The following CEP128 variants were observed in gnomAD, a reference collection of about 807,000 sequenced individuals.
The protein encoded by CEP128 is centrosomal protein 128.
A neutral mutation model predicts 156.7 loss-of-function variants in CEP128; 132 were observed. That is an observed-to-expected ratio of 0.84 (90% confidence interval 0.73 to 0.97). The LOEUF is 0.97. Ranked by LOEUF, CEP128 falls within the 50% of genes least tolerant of loss-of-function variation. The pLI is 0.00. For missense variants in CEP128, 1,252 were observed against 1,281.9 expected (o/e 0.98, Z 0.36); for synonymous variants, 469 against 448.9 (o/e 1.04, Z -0.57).
At chr14:80,601,375 G>C (rs1892575622) in intron 19 of CEP128, among the ~76,000 whole-genome samples, 1 of 151,956 alleles carries the variant, frequency 6.6e-6, no homozygotes, top group Admixed American at 6.6e-5. Flanking sequence ...GGCTTCCCTG[G>C]GCCACACTGG....
At chr14:80,885,812 G>A (rs1162454181) in intron 8 of CEP128, among the ~76,000 whole-genome samples, 2 of 152,024 alleles carry the variant, frequency 1.3e-5, no homozygotes, top group African/African-American at 4.8e-5. Context: ...TTCAGAAGGT[G>A]GGTAACAACA....
At chr14:80,656,279 T>A (rs74066055) in intron 19 of CEP128, among the ~76,000 whole-genome samples, 9,655 of 45,494 alleles carry the variant, frequency 0.21, 1,766 homozygotes, top group Non-Finnish European at 0.26. Flanking sequence ...AAGTTTTTAT[T>A]TATATATATA....
chr14:80,585,910 T>A (rs986462104), intron 19 of CEP128, among the ~76,000 whole-genome samples: 3 of 136,630 alleles, frequency 2.2e-5, no homozygotes, highest in African/African-American at 7.7e-5. Context: ...ATTCATCAGA[T>A]AAAGCAGCAC....
intron 19 of CEP128, among the ~76,000 whole-genome samples, chr14:80,672,973 TTTTGTCTC>T (rs1440502961): frequency 6.6e-6 from 1 of 152,190 alleles, no homozygotes; most frequent in African/African-American, 2.4e-5. Context: ...GGTTTCAAAC[TTTTGTCTC>T]TAAGATTTCC....
chr14:80,619,367 GACACAC>G lies in CEP128; in HGVS notation c.2807-38950_2807-38945del, dbSNP rs34190837. Reference sequence around the variant, plus strand: ...GTTTTAAATGATTTAAAGACACACAGACACACACACACACACACACACACACACACA... The same window carrying G: ...GTTTTAAATGATTTAAAGACACACAGACACACACACACACACACACACACA... On this transcript the variant is annotated intron_variant, in intron 19 of 24. Transcript: ENST00000555265. 3.0e-3 allele frequency among the ~76,000 whole-genome samples: 417 copies of G among 139,468 alleles called. 2 individuals are homozygous for G. The highest frequency in any genetic ancestry group is 8.4e-3 in the African/African-American group (310 of 36,824). 91.5% of individuals were successfully genotyped at this position (139,468 alleles called of 152,430 possible).
chr14:80,692,575 T>C (rs28605383), intron 19 of CEP128, among the ~76,000 whole-genome samples: 1 of 152,144 alleles, frequency 6.6e-6, no homozygotes, highest in Non-Finnish European at 1.5e-5. Context: ...TGTCCTCCAT[T>C]ATATCTCCTT....
chr14:80,784,468 C>T (rs144210181), intron 15 of CEP128, among the ~76,000 whole-genome samples: 27 of 152,112 alleles, frequency 1.8e-4, no homozygotes, highest in Admixed American at 1.8e-3. Flanking sequence ...GAGTAAATCT[C>T]GAAAGCCTTG....
At chr14:80,546,769 A>C (rs1325653626) in intron 21 of CEP128, among the ~76,000 whole-genome samples, 1 of 152,162 alleles carries the variant, frequency 6.6e-6, no homozygotes, top group Non-Finnish European at 1.5e-5. Context: ...AAAATCATTT[A>C]TGGAAGACCA....
rs141419178 is a variant in CEP128, at chr14:80,811,239, C to T, written c.1210-18129G>A. Among the ~76,000 whole-genome samples the T allele has an allele frequency of 6.4e-4, 97 of 152,296 alleles. 1 individual carries two copies. The highest frequency in any genetic ancestry group is 3.4e-3 in the Middle Eastern group (1 of 294). ...GTCTTTGCTATTGTGCTGCAATGAA[C>T]ATACATGTGCATGAATCTTTATAAT... On this transcript the variant is annotated intron_variant, in intron 13 of 24. Transcript: ENST00000555265.
intron 13 of CEP128, among the ~76,000 whole-genome samples, chr14:80,806,961 C>A (rs1191534135): frequency 6.6e-6 from 1 of 151,984 alleles, no homozygotes. Context: ...ACTTTGTGCA[C>A]TTGGAAGAAA....
chr14:80,913,945 CT>C (rs1442404849), intron 4 of CEP128, among the ~76,000 whole-genome samples: 1 of 152,114 alleles, frequency 6.6e-6, no homozygotes, highest in African/African-American at 2.4e-5. Context: ...TAAAAAGGGG[CT>C]TTGAGAGAGG....
chr14:80,734,347 G>A (rs1448491399), intron 19 of CEP128, among the ~76,000 whole-genome samples: 2 of 151,910 alleles, frequency 1.3e-5, no homozygotes, highest in African/African-American at 2.4e-5. Context: ...AGGGAGGAAG[G>A]GGCCCACAAA....
At chr14:80,752,686 G>A (rs1899454818) in intron 18 of CEP128, among the ~76,000 whole-genome samples, 1 of 152,152 alleles carries the variant, frequency 6.6e-6, no homozygotes, top group South Asian at 2.1e-4. Context: ...TTATATTCAA[G>A]TGTGGATTAC....
chr14:80,945,934 C>A (rs1038880152), upstream of CEP128, among the ~76,000 whole-genome samples: 4 of 152,182 alleles, frequency 2.6e-5, no homozygotes, highest in Admixed American at 2.6e-4. Context: ...TTCCACAATA[C>A]ACTAGTGGCA....
At chr14:80,542,331 T>C (rs909587969) in intron 21 of CEP128, among the ~76,000 whole-genome samples, 1 of 152,140 alleles carries the variant, frequency 6.6e-6, no homozygotes, top group Non-Finnish European at 1.5e-5. Flanking sequence ...ATCATAAACA[T>C]ACATAAAGAT....
Position 80,673,602 on chromosome 14 carries a change from C to T in CEP128, c.2806+69473G>A, listed in dbSNP as rs1026555395. Among the ~76,000 whole-genome samples, 480 of 130,600 alleles carry T rather than the reference C, an allele frequency of 3.7e-3. 2 individuals carry two copies. Among genetic ancestry groups the T allele is most frequent in the African/African-American group, 0.014 (459 of 32,876 alleles). The allele number at this position is 130,600 out of a possible 152,430, so 85.7% of individuals were successfully genotyped here. A position where few individuals can be genotyped will look rare whatever the true frequency, so the allele number is the denominator to read the frequency against. ...CGGAGCTTGCAGTGAGCCGAGATCC[C>T]GCCACTGCACTCCAGCCTGGGCGAC... is the stretch of plus-strand genomic sequence containing the variant. On this transcript the variant is annotated intron_variant, in intron 19 of 24. Coordinates refer to ENST00000555265, the MANE Select transcript of CEP128 (RefSeq NM_152446.5).
At chr14:80,650,949 G>T (rs977047226) in intron 19 of CEP128, among the ~76,000 whole-genome samples, 1 of 152,066 alleles carries the variant, frequency 6.6e-6, no homozygotes, top group Non-Finnish European at 1.5e-5. Context: ...AGTTAGGGAG[G>T]AGTCCTTCTT....
At chr14:80,911,761 T>C (rs564001813) in intron 4 of CEP128, among the ~76,000 whole-genome samples, 89 of 152,300 alleles carry the variant, frequency 5.8e-4, no homozygotes, top group African/African-American at 2.0e-3. Context: ...ATACTTTTTA[T>C]CATTATGATT....
At chr14:80,897,038 T>A (rs909852773) in intron 7 of CEP128, among the ~76,000 whole-genome samples, 3 of 152,200 alleles carry the variant, frequency 2.0e-5, no homozygotes, top group African/African-American at 7.2e-5. Flanking sequence ...CTTAAAAAGA[T>A]AAATTTTCAA....
Sources: gnomAD v4.1 joint callset for allele counts (sites outside exome capture counted in the v4.1 genomes callset) on GRCh38, gnomAD v4.1.1 for gene constraint, MANE v1.5 for transcripts, NCBI Gene and HGNC (gene_info 2026-07-23, HGNC 2026-07-21) for gene names.